Variants in GUCY2F observed in about 807,000 individuals in gnomAD.
The protein encoded by GUCY2F is guanylate cyclase 2F, retinal.
GUCY2F carries 61 observed loss-of-function variants against 73.1 expected under a neutral mutation model. The observed-to-expected ratio is 0.83, with a 90% CI of 0.68 to 1.03. The LOEUF is 1.03. Ranked by LOEUF, GUCY2F falls within the 50% of genes least tolerant of loss-of-function variation. The pLI is 0.00. For missense variants in GUCY2F, 912 were observed against 854.3 expected, an observed-to-expected ratio of 1.07 and a Z score of -0.84; for synonymous variants, 331 against 307.8, an observed-to-expected ratio of 1.08 and a Z score of -0.79.
intron 14 of GUCY2F, among the ~76,000 whole-genome samples, chrX:109,391,474 A>G (rs756162622): frequency 1.2e-3 from 109 of 88,718 alleles, no homozygotes; most frequent in Middle Eastern, 6.5e-3. Flanking sequence ...TATAGCATGT[A>G]TTAGATCTAC....
rs1233281967 is a variant in GUCY2F, at chrX:109,430,351, C to T, written c.1747G>A (p.Asp583Asn). 6 of 1,140,548 alleles carry T rather than the reference C, an allele frequency of 5.3e-6. No individual in the cohort carries two copies. Among genetic ancestry groups the T allele is most frequent in the Non-Finnish European group, 7.2e-6 (6 of 830,627 alleles). The allele number at this position is 1,140,548 out of a possible 1,213,427, so 94.0% of individuals were successfully genotyped here. A position where few individuals can be genotyped will look rare whatever the true frequency, so the allele number is the denominator to read the frequency against. Reference sequence around the variant, plus strand: ...GCTCTTGATTTGATGGACTTAAGGTCTCCAAAATCTCCAAGGGAGAACTTT... The same window carrying T: ...GCTCTTGATTTGATGGACTTAAGGTTTCCAAAATCTCCAAGGGAGAACTTT... ...LKKFSLGDFGDLKSIKSRASD... is the reference protein window; with the variant it reads ...LKKFSLGDFGNLKSIKSRASD... The change falls in exon 8 of 20, where the codon GAC becomes AAC. Residue 583 changes from aspartate to asparagine, a missense_variant. Transcript: ENST00000218006.
intron 10 of GUCY2F, among the ~76,000 whole-genome samples, chrX:109,403,954 A>G (rs1463535456): frequency 8.9e-6 from 1 of 112,122 alleles, no homozygotes; most frequent in Non-Finnish European, 1.9e-5. Context: ...GTGACGTCCC[A>G]TTCTAAAATG....
intron 17 of GUCY2F, among the ~76,000 whole-genome samples, chrX:109,379,395 T>C (rs893634499): frequency 3.6e-5 from 4 of 112,146 alleles, no homozygotes; most frequent in Middle Eastern, 4.6e-3. Context: ...AAAAAAAAAA[T>C]GTTAAGTATT....
chrX:109,386,135 G>A (rs779554831), intron 15 of GUCY2F, among the ~76,000 whole-genome samples: 4 of 111,289 alleles, frequency 3.6e-5, no homozygotes, highest in African/African-American at 1.3e-4. Flanking sequence ...GCACCAAGGG[G>A]AATAAAAAAG....
In GUCY2F at chrX:109,408,953, A is replaced by G. The variant is rs772077785; in HGVS notation, c.1968+39T>C. Reference sequence around the variant, plus strand: ...TCCCAAAACATTAAAGTTCTAATCTACAGAGAAAATCCAAGATTTCCTCAG... The same window carrying G: ...TCCCAAAACATTAAAGTTCTAATCTGCAGAGAAAATCCAAGATTTCCTCAG... On this transcript the variant is annotated intron_variant, in intron 9 of 19. Transcript: ENST00000218006. The G allele has an allele frequency of 4.2e-6, 3 of 710,824 alleles. No homozygotes were observed. The South Asian group carries it at 7.2e-5, about 17-fold the overall frequency. The allele number at this position is 710,824 out of a possible 1,213,427, so 58.6% of individuals were successfully genotyped here. A position where few individuals can be genotyped will look rare whatever the true frequency, so the allele number is the denominator to read the frequency against.
In GUCY2F at chrX:109,395,427, C is replaced by T. The variant is rs1402059765; in HGVS notation, c.2338G>A (p.Ala780Thr). ...ATCAGCTGGAGACATTCTGGAGGGG[C>T]ATGCTCAGGAGGAACTACTGGTCTG... ...VYRPVVPPEH[A>T]PPECLQLMKQ... The change falls in exon 12 of 20, where the codon GCC becomes ACC. Residue 780 changes from alanine to threonine, a missense_variant. By Grantham distance (58) the Ala-to-Thr change is moderately conservative (BLOSUM62 0). Coordinates refer to ENST00000218006, the MANE Select transcript of GUCY2F (RefSeq NM_001522.3). 8.3e-7 allele frequency: 1 copy of T among 1,197,731 alleles called. No individual in the cohort carries two copies. The highest frequency in any genetic ancestry group is 2.2e-5 in the Admixed American group (1 of 46,023).
intron 17 of GUCY2F, among the ~76,000 whole-genome samples, chrX:109,378,431 C>T (rs965120642): frequency 5.9e-4 from 66 of 111,642 alleles, no homozygotes; most frequent in African/African-American, 2.1e-3. Context: ...TTCCTGATAA[C>T]CACAAGTCAG....
rs1157838960 is a variant in GUCY2F at position 109,395,332 on chromosome X, A to G, written c.2424+9T>C. 8.3e-7 allele frequency: 1 copy of G among 1,200,186 alleles called. No homozygotes were observed. The highest frequency in any genetic ancestry group is 1.7e-5 in the African/African-American group (1 of 57,552). On this transcript the variant is annotated intron_variant, in intron 12 of 19. Coordinates refer to ENST00000218006, the MANE Select transcript of GUCY2F (RefSeq NM_001522.3). Reference sequence around the variant, plus strand: ...GCTCCTGGGCAATGATAAGATTCAGAGTCCTTACCTGGTTAAATATTTCAT... The same window carrying G: ...GCTCCTGGGCAATGATAAGATTCAGGGTCCTTACCTGGTTAAATATTTCAT...
chrX:109,438,634 T>C (rs1336797513), intron 7 of GUCY2F, among the ~76,000 whole-genome samples: 1 of 113,088 alleles, frequency 8.8e-6, no homozygotes, highest in Non-Finnish European at 1.9e-5. Context: ...GGGGTGGGTG[T>C]TGGGCCCCCA....
At chrX:109,411,420 G>A (rs977860796) in intron 8 of GUCY2F, among the ~76,000 whole-genome samples, 3 of 111,290 alleles carry the variant, frequency 2.7e-5, no homozygotes, top group African/African-American at 9.8e-5. Context: ...TATAACTTGT[G>A]CTCCAGCATT....
chrX:109,398,065 G>C (rs1930752933), intron 11 of GUCY2F, among the ~76,000 whole-genome samples: 2 of 110,174 alleles, frequency 1.8e-5, no homozygotes, highest in Non-Finnish European at 3.8e-5. Flanking sequence ...AGAATATACA[G>C]ATATCCTGTT....
intron 12 of GUCY2F, among the ~76,000 whole-genome samples, chrX:109,393,437 G>T (rs1569356918): frequency 9.0e-6 from 1 of 110,894 alleles, no homozygotes; most frequent in South Asian, 3.9e-4. Flanking sequence ...GGGAGAGAGG[G>T]CCCAAAGTAC....
intron 6 of GUCY2F, among the ~76,000 whole-genome samples, chrX:109,443,631 T>C (rs1418563689): frequency 1.8e-5 from 2 of 111,765 alleles, no homozygotes; most frequent in Non-Finnish European, 3.8e-5. Context: ...AGAGGAGGCA[T>C]AGGTGGAGGT....
intron 5 of GUCY2F, among the ~76,000 whole-genome samples, chrX:109,450,510 C>G (rs976079114): frequency 1.5e-4 from 17 of 111,750 alleles, no homozygotes; most frequent in African/African-American, 5.5e-4. Context: ...TCAAATCTCT[C>G]TAGAGAGGGA....
Position 109,407,955 on chromosome X carries a change from C to A in GUCY2F, c.1968+1037G>T, listed in dbSNP as rs369825679. On this transcript the variant is annotated intron_variant, in intron 9 of 19. Transcript: ENST00000218006. ...AGGAAGGGAAATGTGGGGTCAGAGC[C>A]CCCACACAGAATCCCTACTGGGGCA... 1.3e-4 allele frequency among the ~76,000 whole-genome samples: 15 copies of A among 112,696 alleles called. No individual in the cohort carries two copies. The East Asian group carries it at 3.9e-3, about 29-fold the overall frequency.
intron 4 of GUCY2F, 107 bp from the exon 5 acceptor site, chrX:109,452,214 G>A: frequency 3.8e-6 from 2 of 523,215 alleles, no homozygotes; most frequent in Non-Finnish European, 6.7e-6. Flanking sequence ...CTAATATCAA[G>A]CCACATCTAC....
rs763205521 is a variant in GUCY2F, at chrX:109,395,214, C to T, written c.2424+127G>A. 4.9e-5 allele frequency: 26 copies of T among 527,949 alleles called. No homozygotes were observed. In the East Asian group the frequency reaches 9.0e-4, roughly 18 times the overall value. The allele number at this position is 527,949 out of a possible 1,213,427, so 43.5% of individuals were successfully genotyped here. A position where few individuals can be genotyped will look rare whatever the true frequency, so the allele number is the denominator to read the frequency against. On this transcript the variant is annotated intron_variant, in intron 12 of 19. Transcript: ENST00000218006. ...AAGTAGCCACTCCCAGGCTGTTCCT[C>T]CAAGAGGAGTGCCCTTACCCCTTGC...
At chrX:109,466,983 C>T (rs1403956472) in intron 2 of GUCY2F, among the ~76,000 whole-genome samples, 3 of 112,107 alleles carry the variant, frequency 2.7e-5, no homozygotes, top group South Asian at 3.7e-4. Flanking sequence ...CACAACATGA[C>T]ATGAGTTTTC....
chrX:109,387,258 G>A (rs774798201), intron 15 of GUCY2F, among the ~76,000 whole-genome samples: 1 of 112,318 alleles, frequency 8.9e-6, no homozygotes, highest in South Asian at 3.7e-4. Context: ...TTAGTTGAAC[G>A]TTAAAGGTCA....
Sources: allele counts gnomAD v4.1 joint callset (sites outside exome capture counted in the v4.1 genomes callset), GRCh38; gene constraint gnomAD v4.1.1; transcripts MANE v1.5; gene names NCBI Gene and HGNC (gene_info 2026-07-23, HGNC 2026-07-21).